PNPLA8: variants seen among roughly 807,000 people sequenced by gnomAD.
The protein encoded by PNPLA8 is patatin like domain 8, phospholipase A2, also known as calcium-independent phospholipase A2-gamma.
Under a neutral mutation model 76.9 loss-of-function variants are expected in PNPLA8, and 39 were observed. The observed-to-expected ratio is 0.51, with a 90% CI of 0.39 to 0.66. PNPLA8 has a LOEUF of 0.66. Ranked by LOEUF, PNPLA8 falls within the 30% of genes least tolerant of loss-of-function variation. The probability of loss-of-function intolerance (pLI) is 0.00; values close to 1 mark genes in which losing one functional copy is unlikely to be tolerated. For synonymous variants in PNPLA8, 301 were observed against 307.9 expected (o/e 0.98, Z 0.24); for missense variants, 887 against 918.0 (o/e 0.97, Z 0.44).
In PNPLA8 at chr7:108,514,942, T is replaced by C. The variant is rs1248886371; in HGVS notation, c.550A>G (p.Ile184Val). The C allele has an allele frequency of 1.9e-6, 3 of 1,609,736 alleles. No homozygotes were observed. Among genetic ancestry groups the C allele is most frequent in the Admixed American group, 1.7e-5 (1 of 59,242 alleles). Residue 184 changes from isoleucine (I) to valine (V), a missense_variant, in exon 3 of 11, where the codon ATA becomes GTA. Transcript: ENST00000257694. ...TAATGAAAAAGACTGCGTTTACCTA[T>C]ATCTTCTTCTTTGTCTATAATGTGA... The part of the protein sequence containing the change: ...KSHIIDKEED[I>V]GKRSLFHYTS...
intron 1 of PNPLA8, 113 bp downstream of exon 1, chr7:108,525,916 G>A: frequency 2.9e-6 from 1 of 349,222 alleles, no homozygotes; most frequent in Non-Finnish European, 4.0e-6. Flanking sequence ...CCACCCTCTC[G>A]CTCGGGAAGT....
At chr7:108,517,105 C>A (rs1162723319) in intron 2 of PNPLA8, among the ~76,000 whole-genome samples, 1 of 152,180 alleles carries the variant, frequency 6.6e-6, no homozygotes, top group African/African-American at 2.4e-5. Context: ...AAGGCCGTAA[C>A]AGACACCTCA....
At chr7:108,477,183 T>C (rs1860059504) in intron 10 of PNPLA8, among the ~76,000 whole-genome samples, 1 of 152,244 alleles carries the variant, frequency 6.6e-6, no homozygotes. Flanking sequence ...GTGACAGATA[T>C]GCTTATTAGC....
At chr7:108,513,911 T>C (rs1863111523) in intron 4 of PNPLA8, among the ~76,000 whole-genome samples, 1 of 152,192 alleles carries the variant, frequency 6.6e-6, no homozygotes, top group African/African-American at 2.4e-5. Flanking sequence ...TTATTTTCTA[T>C]TTTATAAATG....
chr7:108,493,173 G>A (rs1027237474), intron 7 of PNPLA8, among the ~76,000 whole-genome samples: 8 of 151,988 alleles, frequency 5.3e-5, no homozygotes, highest in Non-Finnish European at 1.2e-4. Context: ...TGAAAAAGCA[G>A]AGAAAGAAAA....
chr7:108,478,598 A>T (rs750256358), intron 10 of PNPLA8, among the ~76,000 whole-genome samples: 2 of 151,998 alleles, frequency 1.3e-5, no homozygotes, highest in Non-Finnish European at 2.9e-5. Context: ...TACCACACTG[A>T]TCAGGCTGGT....
chr7:108,513,720 A>G (rs1430707828), intron 4 of PNPLA8, among the ~76,000 whole-genome samples: 2 of 152,146 alleles, frequency 1.3e-5, no homozygotes, highest in Non-Finnish European at 2.9e-5. Flanking sequence ...TACTAATTCA[A>G]TTATGAGTAA....
At chr7:108,507,211 C>T (rs944370988) in intron 4 of PNPLA8, among the ~76,000 whole-genome samples, 20 of 151,624 alleles carry the variant, frequency 1.3e-4, no homozygotes, top group South Asian at 4.2e-4. Context: ...GGCGTGGTGG[C>T]GGGCGCCTGT....
chr7:108,503,152 G>A (rs1563964501), intron 4 of PNPLA8, among the ~76,000 whole-genome samples: 1 of 152,112 alleles, frequency 6.6e-6, no homozygotes, highest in African/African-American at 2.4e-5. Context: ...GTAAAAGCAG[G>A]CCACTACAAT....
Position 108,487,805 on chromosome 7 carries a change from G to A in PNPLA8, c.1832C>T (p.Ala611Val), listed in dbSNP as rs2154515169. The change falls in exon 9 of 11, where the codon GCT (alanine) becomes GTT (valine). Residue 611 changes from alanine (A) to valine (V), a missense_variant. Physicochemically the swap from Ala to Val is moderately conservative, Grantham distance 64 (BLOSUM62 0). Coordinates refer to ENST00000257694, the MANE Select transcript of PNPLA8 (RefSeq NM_001256007.3). Reference sequence around the variant, plus strand: ...TGCATATTCTGCAAAGTAGCCTGGAGCAGCAGATGAGGCTCTAATGGCCTG... The same window carrying A: ...TGCATATTCTGCAAAGTAGCCTGGAACAGCAGATGAGGCTCTAATGGCCTG... The part of the protein sequence containing the change: ...MWQAIRASSA[A>V]PGYFAEYALG... 2 of 1,613,316 alleles carry A rather than the reference G, an allele frequency of 1.2e-6. No individual in the cohort carries two copies. The highest frequency in any genetic ancestry group is 1.7e-6 in the Non-Finnish European group (2 of 1,179,474).
At chr7:108,488,659 A>G (rs1445634314) in intron 8 of PNPLA8, among the ~76,000 whole-genome samples, 1 of 152,196 alleles carries the variant, frequency 6.6e-6, no homozygotes, top group Non-Finnish European at 1.5e-5. Flanking sequence ...GTGCTCTTTG[A>G]AAGTATTTTG....
At chr7:108,519,736 C>G (rs40885) in intron 2 of PNPLA8, among the ~76,000 whole-genome samples, 42,355 of 151,806 alleles carry the variant, frequency 0.28, 6,243 homozygotes, top group African/African-American at 0.32. Flanking sequence ...TCAACAGATG[C>G]TAGAAGAGAC....
intron 2 of PNPLA8, among the ~76,000 whole-genome samples, chr7:108,520,408 G>A (rs1863652532): frequency 6.6e-6 from 1 of 152,186 alleles, no homozygotes; most frequent in Non-Finnish European, 1.5e-5. Context: ...AGAGTAGAAC[G>A]ATAGATACCA....
intron 5 of PNPLA8, among the ~76,000 whole-genome samples, chr7:108,498,293 G>GGA (rs754491264): frequency 2.0e-5 from 3 of 151,204 alleles, no homozygotes; most frequent in Non-Finnish European, 2.9e-5. Context: ...TTGAGATGGA[G>GGA]TCTCACTCTG....
In PNPLA8 at chr7:108,470,786, A is replaced by G. The variant is rs1014308225; in HGVS notation, c.*1615T>C. 6.6e-6 allele frequency: 1 copy of G among 152,192 alleles called. No individual in the cohort carries two copies. The allele number at this position is 152,192 out of a possible 1,614,324, so 9.4% of individuals were successfully genotyped here. A position where few individuals can be genotyped will look rare whatever the true frequency, so the allele number is the denominator to read the frequency against. ...AAAGTTTATATAATTCGGATGTTAG[A>G]AAATTTTACAGCTACCTTTCCTCAT... is the stretch of plus-strand genomic sequence containing the variant. On this transcript the variant is annotated 3_prime_UTR_variant, in exon 11 of 11. Coordinates refer to ENST00000257694, the MANE Select transcript of PNPLA8 (RefSeq NM_001256007.3).
chr7:108,507,008 G>A (rs1862481739), intron 4 of PNPLA8, among the ~76,000 whole-genome samples: 1 of 152,010 alleles, frequency 6.6e-6, no homozygotes, highest in Non-Finnish European at 1.5e-5. Flanking sequence ...GACAAATTCA[G>A]CATTTTAAAA....
chr7:108,510,993 A>G, intron 4 of PNPLA8: 1 of 1,371,264 alleles, frequency 7.3e-7, no homozygotes, highest in Non-Finnish European at 1.0e-6. Context: ...TACCATGACT[A>G]TTTCTCTAAG....
intron 2 of PNPLA8, among the ~76,000 whole-genome samples, chr7:108,519,884 A>G (rs1374018552): frequency 1.3e-5 from 2 of 152,148 alleles, no homozygotes; most frequent in Admixed American, 6.5e-5. Flanking sequence ...CCACACCCAA[A>G]GGACACTTTC....
chr7:108,522,027 G>A lies in PNPLA8; in HGVS notation c.-129-506C>T, dbSNP rs111740245. 1.5e-3 allele frequency among the ~76,000 whole-genome samples: 229 copies of A among 152,238 alleles called. 2 individuals are homozygous for A. The highest frequency in any genetic ancestry group is 5.3e-3 in the African/African-American group (219 of 41,534). ...GAAACATTTACAGGCCGGGCGTGGT[G>A]GCTCACGCCTGTACTCCCAGCACTT... is the stretch of plus-strand genomic sequence containing the variant. On this transcript the variant is annotated intron_variant, in intron 1 of 10. Coordinates refer to ENST00000257694, the MANE Select transcript of PNPLA8 (RefSeq NM_001256007.3).
Sources: gnomAD v4.1 joint callset for allele counts (sites outside exome capture counted in the v4.1 genomes callset) on GRCh38, gnomAD v4.1.1 for gene constraint, MANE v1.5 for transcripts, NCBI Gene and HGNC (gene_info 2026-07-23, HGNC 2026-07-21) for gene names.